ABCC1: variants seen among roughly 807,000 people sequenced by gnomAD.
ABCC1 encodes the protein multidrug resistance-associated protein 1.
ABCC1 carries 83 observed loss-of-function variants against 172.9 expected under a neutral mutation model. The ratio of observed to expected loss-of-function variants is 0.48; its 90% CI spans 0.40 to 0.58. The LOEUF is 0.58. Ranked by LOEUF, ABCC1 falls within the 20% of genes least tolerant of loss-of-function variation. The pLI is 0.00. For missense variants in ABCC1, 1,817 were observed against 2,002.7 expected (o/e 0.91, Z 1.77); for synonymous variants, 937 against 825.2 (o/e 1.14, Z -2.32).
At chr16:16,011,284 C>G (rs1053382763) in intron 3 of ABCC1, among the ~76,000 whole-genome samples, 1 of 151,584 alleles carries the variant, frequency 6.6e-6, no homozygotes. Context: ...GCAGGACATT[C>G]TGAGCAGGGT....
At chr16:16,076,688 C>T (rs1316764507) in intron 15 of ABCC1, among the ~76,000 whole-genome samples, 3 of 152,176 alleles carry the variant, frequency 2.0e-5, no homozygotes, top group Admixed American at 2.0e-4. Context: ...GCTTGCGTAA[C>T]TGGGAAGTTC....
rs531929266 is a variant in ABCC1, at chr16:16,069,603, T to C, written c.1824+1301T>C. Among the ~76,000 whole-genome samples, 40 of 152,064 alleles carry C rather than the reference T, an allele frequency of 2.6e-4. No homozygotes were observed. In the South Asian group the frequency reaches 2.9e-3, roughly 11 times the overall value. ...TACATAGGCAAATCAACCGTAAAAT[T>C]TGGTAGTACAAGGCTGATAGCAGGC... On this transcript the variant is annotated intron_variant, in intron 13 of 30. Coordinates refer to ENST00000399410, the MANE Select transcript of ABCC1 (RefSeq NM_004996.4).
At chr16:16,042,978 C>T (rs2049036131) in intron 7 of ABCC1, among the ~76,000 whole-genome samples, 1 of 151,972 alleles carries the variant, frequency 6.6e-6, no homozygotes, top group Admixed American at 6.6e-5. Flanking sequence ...TCTCCTTTCT[C>T]ACCCTCCCAA....
chr16:15,982,056 A>G (rs564089273), intron 1 of ABCC1, among the ~76,000 whole-genome samples: 1 of 152,250 alleles, frequency 6.6e-6, no homozygotes, highest in East Asian at 1.9e-4. Context: ...CTCAGCCTGG[A>G]CTTCATTGTC....
chr16:16,101,451 G>T (rs2051744002), intron 19 of ABCC1, among the ~76,000 whole-genome samples: 1 of 152,140 alleles, frequency 6.6e-6, no homozygotes, highest in Non-Finnish European at 1.5e-5. Context: ...TCCCTTCCAG[G>T]TGTGTCTGTG....
At chr16:16,027,648 A>G (rs1352219189) in intron 5 of ABCC1, among the ~76,000 whole-genome samples, 2 of 152,158 alleles carry the variant, frequency 1.3e-5, no homozygotes, top group African/African-American at 4.8e-5. Flanking sequence ...TTCTGTCTCT[A>G]CAAAAAATAC....
chr16:15,957,376 G>A (rs1381507818), intron 1 of ABCC1, among the ~76,000 whole-genome samples: 1 of 151,260 alleles, frequency 6.6e-6, no homozygotes, highest in African/African-American at 2.4e-5. Flanking sequence ...GTGAGCCACC[G>A]TGCTTGGCAG....
rs113627551 is a variant in ABCC1 at position 16,090,385 on chromosome 16, G to T, written c.2461-20G>T. On this transcript the variant is annotated intron_variant, in intron 18 of 30. Transcript: ENST00000399410. ...TCACACATGTGCACTCACGTGGCCG[G>T]GTGTCCCCTTTGCCCACAGACGCGG... The T allele has an allele frequency of 2.6e-6, 4 of 1,567,450 alleles. No homozygotes were observed. In the African/African-American group the frequency reaches 4.0e-5, roughly 16 times the overall value.
At chr16:16,131,111 A>G (rs1341134575) in intron 26 of ABCC1, among the ~76,000 whole-genome samples, 2 of 151,874 alleles carry the variant, frequency 1.3e-5, no homozygotes, top group South Asian at 2.1e-4. Context: ...ACAGAGTGAG[A>G]CTCCATCTCA....
At chr16:16,126,716 C>T (rs1233566886) in intron 26 of ABCC1, among the ~76,000 whole-genome samples, 8 of 152,100 alleles carry the variant, frequency 5.3e-5, no homozygotes, top group South Asian at 2.1e-4. Context: ...ACTCCTGTTA[C>T]GGAAAATAAT....
intron 1 of ABCC1, among the ~76,000 whole-genome samples, chr16:15,975,541 G>GC (rs796586258): frequency 2.3e-5 from 2 of 86,690 alleles, no homozygotes; most frequent in African/African-American, 6.1e-5. Flanking sequence ...TTTTGTGGTG[G>GC]TTTTTTTTGT....
chr16:16,056,279 T>A lies in ABCC1; in HGVS notation c.1661T>A (p.Val554Asp). 6.2e-7 allele frequency: 1 copy of A among 1,614,202 alleles called. No homozygotes were observed. Reference protein sequence around the residue: ...YLSAVGTFTWVCTPFLVALCT... With the variant: ...YLSAVGTFTWDCTPFLVALCT... ...TCAGCCGTGGGCACCTTCACCTGGG[T>A]CTGCACGCCCTTTCTGGTGAGTGAA... Residue 554 changes from valine (V) to aspartate (D), a missense_variant, in exon 12 of 31, where the codon GTC (valine) becomes GAC (aspartate). Coordinates refer to ENST00000399410, the MANE Select transcript of ABCC1 (RefSeq NM_004996.4).
chr16:16,105,800 G>T (rs2052065040), intron 20 of ABCC1, among the ~76,000 whole-genome samples: 1 of 149,358 alleles, frequency 6.7e-6, no homozygotes, highest in Admixed American at 6.7e-5. Context: ...CCACTGAACG[G>T]AAAACTGTGG....
intron 19 of ABCC1, among the ~76,000 whole-genome samples, chr16:16,093,979 CTTTT>C (rs578261751): frequency 0.018 from 1,947 of 106,622 alleles, 20 homozygotes; most frequent in Non-Finnish European, 0.021. Context: ...TCCCTCTCTC[CTTTT>C]TTTTTTTTTT....
chr16:16,036,228 T>TA (rs4148341), intron 6 of ABCC1, among the ~76,000 whole-genome samples: 209 of 137,948 alleles, frequency 1.5e-3, no homozygotes, highest in Middle Eastern at 3.8e-3. Flanking sequence ...TATGCACCAC[T>TA]AAAAAAAAAA....
rs1378390757 is a variant in ABCC1, at chr16:16,002,944, G to A, written c.49-4872G>A. 3.9e-5 allele frequency among the ~76,000 whole-genome samples: 6 copies of A among 152,154 alleles called. No homozygotes were observed. The East Asian group carries it at 9.6e-4, about 24-fold the overall frequency. On this transcript the variant is annotated intron_variant, in intron 1 of 30. Transcript: ENST00000399410. ...CTTGCCTGTAGGGTAGCAATGGGGGGCTGTTAATTTGGGGAGAAAGACATA... is the reference window on the plus strand; with the variant it reads ...CTTGCCTGTAGGGTAGCAATGGGGGACTGTTAATTTGGGGAGAAAGACATA...
At chr16:16,103,818 T>C (rs1205610791) in intron 20 of ABCC1, among the ~76,000 whole-genome samples, 1 of 152,184 alleles carries the variant, frequency 6.6e-6, no homozygotes, top group African/African-American at 2.4e-5. Context: ...GACATGGTTA[T>C]GGTCCGGAAT....
At position 16,044,557 on chromosome 16, in the gene ABCC1, A is replaced by G; in HGVS notation, c.917A>G (p.Gln306Arg). 1 of 1,614,166 alleles carries G rather than the reference A, an allele frequency of 6.2e-7. No individual in the cohort carries two copies. Among genetic ancestry groups the G allele is most frequent in the South Asian group, 1.1e-5 (1 of 91,088 alleles). The change falls in exon 8 of 31, where the codon CAG becomes CGG. Residue 306 changes from glutamine to arginine, a missense_variant. Gln to Arg is a conservative substitution (Grantham distance 43). Coordinates refer to ENST00000399410, the MANE Select transcript of ABCC1 (RefSeq NM_004996.4). ...EVEALIVKSPQKEWNPSLFKV... is the reference protein window; with the variant it reads ...EVEALIVKSPRKEWNPSLFKV... ...GAGGCTTTGATCGTCAAGTCCCCAC[A>G]GAAGGAGTGGAACCCCTCTCTGTTT...
intron 1 of ABCC1, among the ~76,000 whole-genome samples, chr16:15,981,479 C>T (rs989665776): frequency 6.6e-6 from 1 of 152,206 alleles, no homozygotes; most frequent in African/African-American, 2.4e-5. Flanking sequence ...AGGCTCAATA[C>T]CACATGGAAT....
Sources: gnomAD v4.1 joint callset for allele counts (sites outside exome capture counted in the v4.1 genomes callset) on GRCh38, gnomAD v4.1.1 for gene constraint, MANE v1.5 for transcripts, NCBI Gene and HGNC (gene_info 2026-07-23, HGNC 2026-07-21) for gene names.